SAMSN1: variants seen among roughly 807,000 people sequenced by gnomAD.
The protein encoded by SAMSN1 is SAM domain-containing protein SAMSN-1.
A neutral mutation model predicts 42.0 loss-of-function variants in SAMSN1; 31 were observed. The ratio of observed to expected loss-of-function variants is 0.74; its 90% CI spans 0.55 to 1.00. SAMSN1 has a LOEUF of 1.00. SAMSN1 is among the 50% of genes least tolerant of loss of function. The pLI, the probability that SAMSN1 is intolerant of heterozygous loss-of-function variation, is 0.00. For missense variants in SAMSN1, 464 were observed against 439.4 expected, an observed-to-expected ratio of 1.06 and a Z score of -0.50; for synonymous variants, 178 against 151.9, an observed-to-expected ratio of 1.17 and a Z score of -1.26.
chr21:14,574,990 A>T (rs1981413020), intron 2 of SAMSN1, among the ~76,000 whole-genome samples: 2 of 152,110 alleles, frequency 1.3e-5, no homozygotes, highest in South Asian at 4.1e-4. Context: ...TTACACCAAA[A>T]ATTGCTATTA....
intron 1 of SAMSN1, among the ~76,000 whole-genome samples, chr21:14,528,145 T>C (rs997525925): frequency 2.0e-5 from 3 of 152,152 alleles, no homozygotes; most frequent in African/African-American, 7.2e-5. Context: ...TTAGAAAATG[T>C]GCCCATGATG....
At chr21:14,575,470 C>A (rs938085961) in intron 2 of SAMSN1, among the ~76,000 whole-genome samples, 1 of 152,140 alleles carries the variant, frequency 6.6e-6, no homozygotes, top group East Asian at 1.9e-4. Flanking sequence ...ATGATGCTTT[C>A]TTTTCCATAA....
chr21:14,585,033 C>T (rs371371330), upstream of SAMSN1, among the ~76,000 whole-genome samples: 3 of 145,768 alleles, frequency 2.1e-5, no homozygotes, highest in East Asian at 6.0e-4. Flanking sequence ...AGGAACCCTA[C>T]CTTTTTGCAT....
At chr21:14,627,894 G>A (rs1473019766) in intron 2 of SAMSN1, among the ~76,000 whole-genome samples, 1 of 152,156 alleles carries the variant, frequency 6.6e-6, no homozygotes, top group African/African-American at 2.4e-5. Flanking sequence ...TCTAGGAAAT[G>A]TGATACAGAA....
intron 2 of SAMSN1, among the ~76,000 whole-genome samples, chr21:14,571,630 T>A (rs1981305005): frequency 6.6e-6 from 1 of 152,150 alleles, no homozygotes; most frequent in Non-Finnish European, 1.5e-5. Flanking sequence ...AAATAAAATA[T>A]CATGAAATGC....
At chr21:14,616,964 T>C (rs1479416901) in intron 2 of SAMSN1, among the ~76,000 whole-genome samples, 2 of 152,214 alleles carry the variant, frequency 1.3e-5, no homozygotes, top group Non-Finnish European at 2.9e-5. Context: ...GCCATTTATC[T>C]AATCTTTATT....
chr21:14,526,719 G>A (rs1382064566), intron 1 of SAMSN1, among the ~76,000 whole-genome samples: 1 of 152,074 alleles, frequency 6.6e-6, no homozygotes, highest in Non-Finnish European at 1.5e-5. Context: ...TCTAGATCCT[G>A]TCTTCTTCCC....
chr21:14,539,447 T>C (rs954963926), intron 1 of SAMSN1, among the ~76,000 whole-genome samples: 5 of 152,104 alleles, frequency 3.3e-5, no homozygotes, highest in Non-Finnish European at 7.3e-5. Context: ...CAGTAAAGTC[T>C]CAGGATACAA....
At chr21:14,631,556 C>A (rs1983328885) in intron 2 of SAMSN1, among the ~76,000 whole-genome samples, 1 of 152,092 alleles carries the variant, frequency 6.6e-6, no homozygotes, top group South Asian at 2.1e-4. Context: ...TTAATAGAGA[C>A]AGGGTTCACC....
chr21:14,595,911 C>T (rs17003738), intron 6 of SAMSN1, among the ~76,000 whole-genome samples: 9,855 of 152,098 alleles, frequency 0.065, 812 homozygotes, highest in African/African-American at 0.19. Flanking sequence ...ATTTTCTGGG[C>T]TGCGAAATTC....
At chr21:14,537,368 T>C (rs1193673606) in intron 1 of SAMSN1, among the ~76,000 whole-genome samples, 3 of 149,560 alleles carry the variant, frequency 2.0e-5, no homozygotes, top group African/African-American at 5.1e-5. Flanking sequence ...ATCCTTCTTT[T>C]CTGTTAATTT....
intron 1 of SAMSN1, among the ~76,000 whole-genome samples, chr21:14,526,894 A>T (rs1978895553): frequency 6.6e-6 from 1 of 152,160 alleles, no homozygotes; most frequent in South Asian, 2.1e-4. Context: ...TGTGATCAAA[A>T]CCAGAAGAAC....
chr21:14,561,426 G>A (rs75407469), intron 2 of SAMSN1, among the ~76,000 whole-genome samples: 135 of 152,224 alleles, frequency 8.9e-4, no homozygotes, highest in African/African-American at 3.1e-3. Flanking sequence ...GTGGATTTAT[G>A]CTGTTTGCGT....
rs77535035 is a variant in SAMSN1 at position 14,486,301 on chromosome 21, C to A, written c.920-187G>T. On this transcript the variant is annotated intron_variant, in intron 7 of 7. Transcript: ENST00000400566. ...AGATATTTGCACCCAAATATTCAAGCTACTGTTTTATTAGAAGCCAAAATT... is the reference window on the plus strand; with the variant it reads ...AGATATTTGCACCCAAATATTCAAGATACTGTTTTATTAGAAGCCAAAATT... Among the ~76,000 whole-genome samples the A allele has an allele frequency of 3.6e-3, 544 of 152,208 alleles. 6 individuals are homozygous for A. Among genetic ancestry groups the A allele is most frequent in the African/African-American group, 0.012 (519 of 41,544 alleles).
intron 7 of SAMSN1, among the ~76,000 whole-genome samples, chr21:14,487,852 G>A (rs987819767): frequency 6.6e-5 from 10 of 152,044 alleles, no homozygotes; most frequent in Non-Finnish European, 1.2e-4. Flanking sequence ...ATTTTAATAG[G>A]CACCTATTGT....
chr21:14,526,604 G>T (rs1302757572), intron 1 of SAMSN1, among the ~76,000 whole-genome samples: 1 of 152,096 alleles, frequency 6.6e-6, no homozygotes, highest in African/African-American at 2.4e-5. Flanking sequence ...TTATCGTCTA[G>T]CTCTTCTCAA....
chr21:14,492,389 A>G (rs1227991205), intron 7 of SAMSN1, among the ~76,000 whole-genome samples: 3 of 152,226 alleles, frequency 2.0e-5, no homozygotes, highest in Non-Finnish European at 4.4e-5. Flanking sequence ...TAATAATAGA[A>G]TACTGACTTA....
chr21:14,543,318 A>G (rs1980162776), intron 1 of SAMSN1, among the ~76,000 whole-genome samples: 1 of 152,214 alleles, frequency 6.6e-6, no homozygotes, highest in Non-Finnish European at 1.5e-5. Context: ...AAAAATAGAG[A>G]AAGAGAGAAA....
chr21:14,563,057 C>T (rs1463015692), intron 2 of SAMSN1, among the ~76,000 whole-genome samples: 1 of 152,062 alleles, frequency 6.6e-6, no homozygotes, highest in Non-Finnish European at 1.5e-5. Context: ...AACATAAATG[C>T]ACATGCACAA....
Sources: gnomAD v4.1 joint callset for allele counts (sites outside exome capture counted in the v4.1 genomes callset) on GRCh38, gnomAD v4.1.1 for gene constraint, MANE v1.5 for transcripts, NCBI Gene and HGNC (gene_info 2026-07-23, HGNC 2026-07-21) for gene names.